Variants in TMCC2 observed in about 807,000 individuals in gnomAD.
TMCC2 encodes transmembrane and coiled-coil domain family 2.
TMCC2 carries 16 observed loss-of-function variants against 49.4 expected under a neutral mutation model. The observed-to-expected ratio is 0.32, with a 90% CI of 0.22 to 0.49. The LOEUF is 0.49. Ranked by LOEUF, TMCC2 falls within the 20% of genes least tolerant of loss-of-function variation. The pLI is 0.99. For missense variants in TMCC2, 762 were observed against 989.8 expected (o/e 0.77, Z 3.09); for synonymous variants, 397 against 434.1 (o/e 0.91, Z 1.06).
intron 1 of TMCC2, chr1:205,229,061 AG>A: frequency 8.0e-7 from 1 of 1,253,996 alleles, no homozygotes; most frequent in South Asian, 2.2e-5. Context: ...TCGCAGACAA[AG>A]GGCTGGAGAA....
rs138890027 is a variant in TMCC2, at chr1:205,234,013, G to A, written c.207+5242G>A. On this transcript the variant is annotated intron_variant, in intron 1 of 4. Coordinates refer to ENST00000358024, the MANE Select transcript of TMCC2 (RefSeq NM_014858.4). ...TCTCCAGGAGTGTTGTGATGGTTGCGATGGCTCTCTGAGGGCCTGCTGCAT... is the reference window on the plus strand; with the variant it reads ...TCTCCAGGAGTGTTGTGATGGTTGCAATGGCTCTCTGAGGGCCTGCTGCAT... 1.1e-4 allele frequency: 16 copies of A among 152,170 alleles called. No individual in the cohort carries two copies. In the East Asian group the frequency reaches 2.7e-3, roughly 26 times the overall value. The allele number at this position is 152,170 out of a possible 1,614,324, so 9.4% of individuals were successfully genotyped here. A position where few individuals can be genotyped will look rare whatever the true frequency, so the allele number is the denominator to read the frequency against.
intron 2 of TMCC2, among the ~76,000 whole-genome samples, chr1:205,263,301 C>T (rs538142451): frequency 2.6e-5 from 4 of 152,082 alleles, no homozygotes; most frequent in Non-Finnish European, 5.9e-5. Context: ...AATATTTGGA[C>T]CTTTCTAAGG....
chr1:205,260,157 C>T (rs914166813), intron 2 of TMCC2, among the ~76,000 whole-genome samples: 31 of 152,258 alleles, frequency 2.0e-4, no homozygotes, highest in Admixed American at 2.0e-3. Context: ...GAGTCAGGTA[C>T]CTGTGGAGTG....
chr1:205,230,779 G>A (rs1030114743), intron 1 of TMCC2, among the ~76,000 whole-genome samples: 2 of 152,054 alleles, frequency 1.3e-5, no homozygotes, highest in Non-Finnish European at 2.9e-5. Context: ...GTAGAGGGAC[G>A]CCTTAAGGGA....
rs567776086 is a variant in TMCC2, at chr1:205,250,277, G to T, written c.747+8233G>T. On this transcript the variant is annotated intron_variant, in intron 2 of 4. Transcript: ENST00000358024. ...AAATATCGGCCGGGCACGGTGGCTC[G>T]TGCCTGTAATCCCAGCACTTTGGGA... is the stretch of plus-strand genomic sequence containing the variant. Among the ~76,000 whole-genome samples the T allele has an allele frequency of 9.9e-5, 15 of 152,140 alleles. No individual in the cohort carries two copies. The South Asian group carries it at 2.9e-3, about 29-fold the overall frequency.
Position 205,271,100 on chromosome 1 carries a change from ACT to A in TMCC2, c.1683-12_1683-11del, listed in dbSNP as rs759214164. On this transcript the variant is annotated intron_variant, in intron 3 of 4. Transcript: ENST00000358024. ...AGCTCGGGGAGCCAGGACTGGTGTC[ACT>A]CTCTCTCCCTCCGCCAGGTACGAGC... 1 of 1,611,062 alleles carries A rather than the reference ACT, an allele frequency of 6.2e-7. No homozygotes were observed. The highest frequency in any genetic ancestry group is 2.2e-4 in the Middle Eastern group (1 of 4,530).
At chr1:205,250,235 C>T (rs930037207) in intron 2 of TMCC2, among the ~76,000 whole-genome samples, 60 of 152,158 alleles carry the variant, frequency 3.9e-4, no homozygotes, top group African/African-American at 1.4e-3. Context: ...CACCCACTGA[C>T]TTTCTTTCTA....
chr1:205,229,551 G>GT (rs1162781053), intron 1 of TMCC2: 4 of 694,102 alleles, frequency 5.8e-6, no homozygotes, highest in Non-Finnish European at 6.9e-6. Context: ...GGGGCGGGGG[G>GT]GGGGGGGTGG....
intron 1 of TMCC2, among the ~76,000 whole-genome samples, chr1:205,239,588 CCG>C (rs2102539546): frequency 6.6e-6 from 1 of 152,254 alleles, no homozygotes; most frequent in Non-Finnish European, 1.5e-5. Context: ...GGAGATGTTT[CCG>C]TTGTTGCTTT....
chr1:205,240,942 T>C (rs1660239731), intron 1 of TMCC2, among the ~76,000 whole-genome samples: 1 of 152,204 alleles, frequency 6.6e-6, no homozygotes, highest in Non-Finnish European at 1.5e-5. Flanking sequence ...CCTTGCAGTT[T>C]GGTTGGTAAG....
rs537534890 is a variant in TMCC2, at chr1:205,241,126, G to A, written c.208-379G>A. Among the ~76,000 whole-genome samples the A allele has an allele frequency of 2.6e-5, 4 of 152,098 alleles. No individual in the cohort carries two copies. Among genetic ancestry groups the A allele is most frequent in the Non-Finnish European group, 4.4e-5 (3 of 68,022 alleles). On this transcript the variant is annotated intron_variant, in intron 1 of 4. Transcript: ENST00000358024. This position sits in a 1 kb window ranked among gnomAD's most constrained non-coding sequence, Gnocchi z 7.3. ...GAAGGGTCGTCTAACTTGGAAGGAG[G>A]GAAGGACTGGGGGTGGGGATCAATC...
chr1:205,232,425 C>T (rs1659836106), intron 1 of TMCC2, among the ~76,000 whole-genome samples: 1 of 152,138 alleles, frequency 6.6e-6, no homozygotes, highest in Non-Finnish European at 1.5e-5. Flanking sequence ...GTTCATGTTT[C>T]GATTCATTTG....
intron 1 of TMCC2, among the ~76,000 whole-genome samples, chr1:205,234,527 A>T (rs967482413): frequency 1.3e-5 from 2 of 152,228 alleles, no homozygotes; most frequent in African/African-American, 4.8e-5. Flanking sequence ...TCTCCAGGTC[A>T]AATAGGATGA....
rs148352620 is a variant in TMCC2, at chr1:205,237,098, A to G, written c.208-4407A>G. ...AAATAAATGATTCCAAAAATCTTTC[A>G]TCACTGGGTTTCCAGTAGAAACTCC... On this transcript the variant is annotated intron_variant, in intron 1 of 4. Coordinates refer to ENST00000358024, the MANE Select transcript of TMCC2 (RefSeq NM_014858.4). Among the ~76,000 whole-genome samples the G allele has an allele frequency of 2.2e-4, 34 of 152,200 alleles. No homozygotes were observed. The East Asian group carries it at 6.2e-3, about 28-fold the overall frequency.
At chr1:205,256,273 A>C in intron 2 of TMCC2, 1 of 1,543,060 alleles carries the variant, frequency 6.5e-7, no homozygotes, top group South Asian at 1.2e-5. Flanking sequence ...GAGATCCAGC[A>C]GGCCCCAGGA....
rs769302375 is a variant in TMCC2 at position 205,268,988 on chromosome 1, C to T, written c.786C>T (p.Ala262=). 3.0e-5 allele frequency: 49 copies of T among 1,613,084 alleles called. 1 individual carries two copies. The highest frequency in any genetic ancestry group is 2.3e-4 in the African/African-American group (17 of 75,026). The part of the protein sequence containing the change: ...KGDLVALSLP[A]GHGDTDGPIS... ...ACCTGGTGGCCCTGAGCCTCCCCGC[C>T]GGCCATGGTGACACCGACGGCCCCA... Residue 262 remains alanine (A), a synonymous_variant, in exon 3 of 5, where the codon GCC becomes GCT. Transcript: ENST00000358024.
intron 1 of TMCC2, among the ~76,000 whole-genome samples, chr1:205,237,229 A>G (rs941790886): frequency 6.6e-6 from 1 of 152,168 alleles, no homozygotes; most frequent in South Asian, 2.1e-4. Flanking sequence ...CTCCCCACCC[A>G]GAGCTTCTTA....
intron 1 of TMCC2, chr1:205,229,955 C>G (rs1180529400): frequency 1.0e-6 from 1 of 985,330 alleles, no homozygotes; most frequent in Non-Finnish European, 1.2e-6. Context: ...GAGATGTCAG[C>G]CCAAGGAAGG....
intron 1 of TMCC2, chr1:205,229,559 T>TGGGGG (rs1659706107): frequency 2.1e-5 from 4 of 189,972 alleles, no homozygotes; most frequent in East Asian, 7.5e-4. Flanking sequence ...GGGGGGGGGG[T>TGGGGG]GGTGGCGGGG....
Sources: allele counts gnomAD v4.1 joint callset (sites outside exome capture counted in the v4.1 genomes callset), GRCh38; gene constraint gnomAD v4.1.1; non-coding constraint Gnocchi (gnomAD v3.1); transcripts MANE v1.5; gene names NCBI Gene and HGNC (gene_info 2026-07-23, HGNC 2026-07-21).